Variants in RALGAPA1 observed in about 807,000 individuals in gnomAD.
RALGAPA1 encodes the protein ral GTPase-activating protein subunit alpha-1.
In RALGAPA1, 52 loss-of-function variants were observed where a neutral mutation model predicts 269.6. The ratio of observed to expected loss-of-function variants is 0.19; its 90% CI spans 0.15 to 0.24. The LOEUF is 0.24. Ranked by LOEUF, RALGAPA1 falls within the 10% of genes least tolerant of loss-of-function variation. RALGAPA1 has a pLI of 1.00. For synonymous variants in RALGAPA1, 817 were observed against 1,008.3 expected (o/e 0.81, Z 3.60); for missense variants, 1,917 against 3,013.9 (o/e 0.64, Z 8.52).
rs2058412435 is a variant in RALGAPA1 at position 35,588,011 on chromosome 14, A to G, written c.7209+7623T>C. Among the ~76,000 whole-genome samples, 3 of 152,074 alleles carry G rather than the reference A, an allele frequency of 2.0e-5. 1 individual carries two copies. The South Asian group carries it at 6.2e-4, about 32-fold the overall frequency. On this transcript the variant is annotated intron_variant, in intron 37 of 41. Transcript: ENST00000680220. ...AACCTCCGCCTCCTGGGTTCAAGCA[A>G]TTCTCCTGCCTCAGCCTCCCGAGTA...
intron 26 of RALGAPA1, among the ~76,000 whole-genome samples, chr14:35,670,950 T>A (rs1231312338): frequency 1.3e-5 from 2 of 150,102 alleles, no homozygotes; most frequent in Non-Finnish European, 3.0e-5. Context: ...AGAGAGAGAG[T>A]TTGCTCCTAG....
rs1437195858 is a variant in RALGAPA1 at position 35,688,441 on chromosome 14, C to T, written c.3952+18G>A. Reference sequence around the variant, plus strand: ...GCTGTCTTTCTCCTTTTGCGCTCTGCACACTGTTAGTGCTCACCTGCAGCT... The same window carrying T: ...GCTGTCTTTCTCCTTTTGCGCTCTGTACACTGTTAGTGCTCACCTGCAGCT... On this transcript the variant is annotated intron_variant, in intron 18 of 41. Transcript: ENST00000680220. The T allele has an allele frequency of 1.3e-6, 2 of 1,535,958 alleles. No individual in the cohort carries two copies. Among genetic ancestry groups the T allele is most frequent in the East Asian group, 4.9e-5 (2 of 40,932 alleles).
intron 35 of RALGAPA1, among the ~76,000 whole-genome samples, chr14:35,612,216 T>A (rs1056216149): frequency 1.9e-4 from 29 of 151,472 alleles, no homozygotes; most frequent in Non-Finnish European, 3.4e-4. Flanking sequence ...TACAAAAATT[T>A]AAAAATTGGC....
At chr14:35,612,175 C>G (rs939134392) in intron 35 of RALGAPA1, among the ~76,000 whole-genome samples, 6 of 152,018 alleles carry the variant, frequency 3.9e-5, no homozygotes, top group African/African-American at 1.4e-4. Flanking sequence ...AGTTCAAGAC[C>G]AGCCTAGACA....
chr14:35,674,431 G>A (rs1472251821), intron 23 of RALGAPA1, 85 bp downstream of exon 23: 3 of 1,309,448 alleles, frequency 2.3e-6, no homozygotes, highest in Admixed American at 4.8e-5. Context: ...AGTCAAAAAG[G>A]GTGTCACAAA....
At chr14:35,671,353 A>G in intron 26 of RALGAPA1, 36 bp downstream of exon 26, 10 of 1,523,760 alleles carry the variant, frequency 6.6e-6, no homozygotes, top group Non-Finnish European at 8.8e-6. Context: ...TCCTGGCTAA[A>G]GTTTGTTATA....
chr14:35,650,810 G>T (rs2062778103), intron 31 of RALGAPA1, among the ~76,000 whole-genome samples: 1 of 152,188 alleles, frequency 6.6e-6, no homozygotes, highest in African/African-American at 2.4e-5. Context: ...ATAATTCTCA[G>T]AGGAAACTAA....
At chr14:35,747,622 C>A (rs1450298381) in intron 10 of RALGAPA1, among the ~76,000 whole-genome samples, 1 of 152,174 alleles carries the variant, frequency 6.6e-6, no homozygotes, top group Non-Finnish European at 1.5e-5. Context: ...AATGTGAATG[C>A]AGTGTGGCAC....
At chr14:35,610,178 A>G (rs1041853530) in intron 35 of RALGAPA1, among the ~76,000 whole-genome samples, 1 of 151,928 alleles carries the variant, frequency 6.6e-6, no homozygotes, top group East Asian at 1.9e-4. Context: ...ACACCACTAT[A>G]TATTTTACAG....
intron 24 of RALGAPA1, among the ~76,000 whole-genome samples, chr14:35,673,426 C>A (rs906150545): frequency 6.6e-6 from 1 of 151,966 alleles, no homozygotes; most frequent in Non-Finnish European, 1.5e-5. Context: ...CACGGTGGCA[C>A]ACGCCTGTAG....
At chr14:35,805,145 G>A (rs1306222133) in intron 1 of RALGAPA1, among the ~76,000 whole-genome samples, 6 of 151,460 alleles carry the variant, frequency 4.0e-5, no homozygotes, top group African/African-American at 9.7e-5. Flanking sequence ...AAAAAAAGGC[G>A]GGGCGCCGTG....
At chr14:35,682,313 T>C (rs1015287724) in intron 21 of RALGAPA1, among the ~76,000 whole-genome samples, 1 of 152,104 alleles carries the variant, frequency 6.6e-6, no homozygotes, top group African/African-American at 2.4e-5. Context: ...TGGTTTTTTT[T>C]TTTTTGAGAC....
intron 39 of RALGAPA1, among the ~76,000 whole-genome samples, chr14:35,560,508 C>A (rs17103396): frequency 0.33 from 50,303 of 152,016 alleles, 9,619 homozygotes; most frequent in East Asian, 0.48. Context: ...CCCATCCTCT[C>A]ACCCTATCCT....
intron 11 of RALGAPA1, among the ~76,000 whole-genome samples, chr14:35,740,266 T>C (rs1301524584): frequency 6.6e-6 from 1 of 152,212 alleles, no homozygotes; most frequent in Non-Finnish European, 1.5e-5. Flanking sequence ...GTAGAAATAA[T>C]GTCTGCTCAT....
intron 19 of RALGAPA1, 132 bp downstream of exon 19, chr14:35,686,410 G>A: frequency 1.6e-6 from 1 of 636,604 alleles, no homozygotes; most frequent in Non-Finnish European, 2.4e-6. Context: ...TTCATAAAAA[G>A]GGTTATATTT....
At chr14:35,595,518 T>A in intron 37 of RALGAPA1, 116 bp downstream of exon 37, 1 of 865,866 alleles carries the variant, frequency 1.2e-6, no homozygotes, top group Non-Finnish European at 1.9e-6. Flanking sequence ...CTGGGTGGAG[T>A]GGTGTACTAC....
intron 33 of RALGAPA1, among the ~76,000 whole-genome samples, chr14:35,630,382 A>T (rs2061284420): frequency 6.6e-6 from 1 of 151,714 alleles, no homozygotes; most frequent in African/African-American, 2.4e-5. Context: ...CTGCCTCCCG[A>T]GTTCAAGCAA....
intron 34 of RALGAPA1, among the ~76,000 whole-genome samples, chr14:35,626,083 G>A (rs768233754): frequency 4.6e-5 from 7 of 152,070 alleles, no homozygotes; most frequent in Non-Finnish European, 8.8e-5. Context: ...CCTATATTTG[G>A]TCATACCATA....
intron 17 of RALGAPA1, among the ~76,000 whole-genome samples, chr14:35,697,408 C>A (rs1156820215): frequency 1.3e-5 from 2 of 151,532 alleles, no homozygotes; most frequent in Non-Finnish European, 2.9e-5. Context: ...GTGCAGTGGG[C>A]GATCTCGGCT....
Sources: gnomAD v4.1 joint callset for allele counts (sites outside exome capture counted in the v4.1 genomes callset) on GRCh38, gnomAD v4.1.1 for gene constraint, MANE v1.5 for transcripts, NCBI Gene and HGNC (gene_info 2026-07-23, HGNC 2026-07-21) for gene names.